Variants in PTPRN2 observed in about 807,000 individuals in gnomAD.
The protein encoded by PTPRN2 is receptor-type tyrosine-protein phosphatase N2.
A neutral mutation model predicts 118.8 loss-of-function variants in PTPRN2; 74 were observed. That is an observed-to-expected ratio of 0.62 (90% CI 0.52 to 0.76). PTPRN2 has a LOEUF of 0.76. PTPRN2 is among the 30% of genes least tolerant of loss of function. The probability of loss-of-function intolerance (pLI) is 0.00; values close to 1 mark genes in which losing one functional copy is unlikely to be tolerated. For missense variants in PTPRN2, 1,481 were observed against 1,394.4 expected (o/e 1.06, Z -0.99); for synonymous variants, 641 against 608.0 (o/e 1.05, Z -0.80).
chr7:157,897,239 G>T (rs958533708), intron 12 of PTPRN2, among the ~76,000 whole-genome samples: 1 of 152,134 alleles, frequency 6.6e-6, no homozygotes, highest in Non-Finnish European at 1.5e-5. Flanking sequence ...TGTACACGCA[G>T]GAGACGCACC....
intron 20 of PTPRN2, among the ~76,000 whole-genome samples, chr7:157,569,711 G>A (rs1407022896): frequency 1.3e-5 from 2 of 152,242 alleles, no homozygotes; most frequent in East Asian, 3.8e-4. Flanking sequence ...TGAGGAATGT[G>A]TGAAGCCATT....
At position 158,481,419 on chromosome 7, in the gene PTPRN2, G is replaced by A. The variant is rs537727071; in HGVS notation, c.163+8316C>T. ...TTGTTTCCATGCCTGCTGACACCTC[G>A]TCCATTCTGCAGCCCAGGGATCAAA... On this transcript the variant is annotated intron_variant, in intron 2 of 22. Coordinates refer to ENST00000389418, the MANE Select transcript of PTPRN2 (RefSeq NM_002847.5). Among the ~76,000 whole-genome samples, 19 of 152,334 alleles carry A rather than the reference G, an allele frequency of 1.2e-4. No homozygotes were observed. In the South Asian group the frequency reaches 3.5e-3, roughly 28 times the overall value.
At chr7:157,817,313 C>T (rs1354371865) in intron 12 of PTPRN2, among the ~76,000 whole-genome samples, 2 of 152,182 alleles carry the variant, frequency 1.3e-5, no homozygotes, top group African/African-American at 4.8e-5. Context: ...CGTTGCTGCT[C>T]CCCCAAACGA....
In PTPRN2 at chr7:157,596,432, G is replaced by A. The variant is rs892115974; in HGVS notation, c.2419-1117C>T. Among the ~76,000 whole-genome samples, 9 of 152,228 alleles carry A rather than the reference G, an allele frequency of 5.9e-5. No homozygotes were observed. Among genetic ancestry groups the A allele is most frequent in the African/African-American group, 1.9e-4 (8 of 41,448 alleles). On this transcript the variant is annotated intron_variant, in intron 16 of 22. Transcript: ENST00000389418. This position sits in a 1 kb window ranked among gnomAD's most constrained non-coding sequence, Gnocchi z 4.2. ...CCGAACGCATCTTGCTAGCTCCAAT[G>A]GGAGAAGGTTGGCTTAGAAGACCAT...
chr7:158,262,856 TCA>T (rs1000077646), intron 3 of PTPRN2, among the ~76,000 whole-genome samples: 8 of 117,924 alleles, frequency 6.8e-5, no homozygotes, highest in South Asian at 2.8e-4. Context: ...ATACATACAT[TCA>T]CACACATTCA....
intron 3 of PTPRN2, among the ~76,000 whole-genome samples, chr7:158,243,801 C>T (rs75906814): frequency 2.0e-5 from 3 of 151,796 alleles, no homozygotes; most frequent in Non-Finnish European, 4.4e-5. Context: ...CTATATATCT[C>T]CTAAGTATCA....
At chr7:158,150,664 C>T (rs185915120) in intron 6 of PTPRN2, among the ~76,000 whole-genome samples, 57 of 152,124 alleles carry the variant, frequency 3.7e-4, no homozygotes, top group Middle Eastern at 3.4e-3. Flanking sequence ...GAACATAACC[C>T]AGGGGGGTCA....
At position 157,690,315 on chromosome 7, in the gene PTPRN2, G is replaced by A. The variant is rs182068943; in HGVS notation, c.1789-7378C>T. Among the ~76,000 whole-genome samples, 653 of 152,304 alleles carry A rather than the reference G, an allele frequency of 4.3e-3. 5 individuals are homozygous for A. Among genetic ancestry groups the A allele is most frequent in the African/African-American group, 0.014 (602 of 41,578 alleles). On this transcript the variant is annotated intron_variant, in intron 12 of 22. Transcript: ENST00000389418. The surrounding 1 kb of genome is among the most constrained non-coding windows in gnomAD (Gnocchi z 7.1). Reference sequence around the variant, plus strand: ...CCCAAGCCTTTGACAGGAGTCCTGCGGCGAGGCAGAGACCCCCTGAACTGA... The same window carrying A: ...CCCAAGCCTTTGACAGGAGTCCTGCAGCGAGGCAGAGACCCCCTGAACTGA...
intron 9 of PTPRN2, among the ~76,000 whole-genome samples, chr7:158,131,159 A>AAC (rs55780451): frequency 0.66 from 99,088 of 150,938 alleles, 33,151 homozygotes; most frequent in African/African-American, 0.79. Context: ...CAAATACCCG[A>AAC]AGATGCACAT....
intron 11 of PTPRN2, among the ~76,000 whole-genome samples, chr7:157,993,031 G>T (rs962186916): frequency 1.3e-5 from 2 of 152,176 alleles, no homozygotes; most frequent in Non-Finnish European, 2.9e-5. Context: ...GGAGCCCACG[G>T]GGTCTGCCCA....
intron 21 of PTPRN2, among the ~76,000 whole-genome samples, chr7:157,553,001 TC>T (rs1798709213): frequency 6.6e-6 from 1 of 152,152 alleles, no homozygotes; most frequent in Non-Finnish European, 1.5e-5. Context: ...TGAAATCCAA[TC>T]AGTTATGTTC....
chr7:158,480,207 G>A (rs756527993), intron 2 of PTPRN2, among the ~76,000 whole-genome samples: 8 of 152,152 alleles, frequency 5.3e-5, no homozygotes, highest in African/African-American at 1.4e-4. Context: ...CCAGCAGCAC[G>A]TGCTCATCGC....
chr7:158,586,435 G>A (rs1828927518), intron 1 of PTPRN2, among the ~76,000 whole-genome samples: 1 of 152,104 alleles, frequency 6.6e-6, no homozygotes, highest in Non-Finnish European at 1.5e-5. Context: ...GGCGGCGCTG[G>A]GCAACGGCGA....
intron 2 of PTPRN2, among the ~76,000 whole-genome samples, chr7:158,462,009 A>C: frequency 6.6e-6 from 1 of 152,284 alleles, no homozygotes; most frequent in African/African-American, 2.4e-5. Flanking sequence ...GTCCTTGGAT[A>C]GAACCGCCTG....
At chr7:158,274,273 A>G (rs1798784186) in intron 3 of PTPRN2, among the ~76,000 whole-genome samples, 1 of 139,554 alleles carries the variant, frequency 7.2e-6, no homozygotes. Flanking sequence ...AGCCGCAGAC[A>G]CAGGGGGAGA....
At chr7:158,372,049 C>T (rs566567979) in intron 2 of PTPRN2, among the ~76,000 whole-genome samples, 10 of 152,300 alleles carry the variant, frequency 6.6e-5, no homozygotes, top group African/African-American at 2.2e-4. Context: ...AAGACCCCCT[C>T]GCAGGGCCAC....
chr7:158,176,111 C>T (rs1425509871), intron 5 of PTPRN2, among the ~76,000 whole-genome samples: 2 of 152,186 alleles, frequency 1.3e-5, no homozygotes, highest in African/African-American at 2.4e-5. Context: ...TCTTCTGGCT[C>T]CTGTTTGCGT....
At chr7:158,246,147 AT>A (rs1306257078) in intron 3 of PTPRN2, among the ~76,000 whole-genome samples, 1 of 151,948 alleles carries the variant, frequency 6.6e-6, no homozygotes, top group Non-Finnish European at 1.5e-5. Flanking sequence ...TGATTGATTG[AT>A]TGATAATTTG....
At chr7:158,162,912 A>AC (rs1332226899) in intron 6 of PTPRN2, among the ~76,000 whole-genome samples, 1 of 152,178 alleles carries the variant, frequency 6.6e-6, no homozygotes, top group Non-Finnish European at 1.5e-5. Flanking sequence ...GTTGGACCCG[A>AC]CCGTGCGACA....
Sources: allele counts gnomAD v4.1 joint callset (sites outside exome capture counted in the v4.1 genomes callset), GRCh38; gene constraint gnomAD v4.1.1; non-coding constraint Gnocchi (gnomAD v3.1); transcripts MANE v1.5; gene names NCBI Gene and HGNC (gene_info 2026-07-23, HGNC 2026-07-21).